The following LATS1 variants were observed in gnomAD, a reference collection of about 807,000 sequenced individuals.
LATS1 encodes large tumor suppressor kinase 1.
Under a neutral mutation model 106.6 loss-of-function variants are expected in LATS1, and 25 were observed. The observed-to-expected ratio is 0.23, with a 90% CI of 0.17 to 0.33. LATS1 has a LOEUF of 0.33. Among genes scored for constraint, LATS1 ranks in the 10% least tolerant of loss-of-function variants. LATS1 has a pLI of 1.00. For missense variants in LATS1, 1,040 were observed against 1,382.6 expected (o/e 0.75, Z 3.93); for synonymous variants, 465 against 455.6 (o/e 1.02, Z -0.26).
In LATS1 at chr6:149,706,183, CAAAAAAAAAAAAAAAAAAAA is replaced by C. The variant is rs60729757; in HGVS notation, c.-140-3937_-140-3918del. Among the ~76,000 whole-genome samples the C allele has an allele frequency of 8.1e-3, 205 of 25,286 alleles. 1 individual carries two copies. Among genetic ancestry groups the C allele is most frequent in the African/African-American group, 0.024 (160 of 6,804 alleles). 16.6% of individuals were successfully genotyped at this position (25,286 alleles called of 152,430 possible). A position where few individuals can be genotyped will look rare whatever the true frequency, so the allele number is the denominator to read the frequency against. On this transcript the variant is annotated intron_variant, in intron 1 of 7. Coordinates refer to ENST00000543571, the MANE Select transcript of LATS1 (RefSeq NM_004690.4). ...GGGCAACAAGAGCGAAACCCGGTCG[CAAAAAAAAAAAAAAAAAAAA>C]AAAAAAAAAAAAAAAAAAAAAGATA...
chr6:149,680,226 C>A lies in LATS1; in HGVS notation c.2242G>T (p.Ala748Ser). 3 of 1,613,964 alleles carry A rather than the reference C, an allele frequency of 1.9e-6. No individual in the cohort carries two copies. The highest frequency in any genetic ancestry group is 2.5e-6 in the Non-Finnish European group (3 of 1,179,922). The part of the protein sequence containing the change: ...KKDVLLRNQV[A>S]HVKAERDILA... ...ATATCTCTCTCAGCCTTAACATGAG[C>A]GACTTGATTTCGAAGAAGAACATCT... The change falls in exon 5 of 8, where the codon GCT becomes TCT. Residue 748 changes from alanine (A) to serine (S), a missense_variant. Ala to Ser is a moderately conservative substitution (Grantham distance 99). Around this residue, in one of 7 missense-constraint regions of LATS1, gnomAD observed 167 missense variants for 332.1 expected, o/e 0.50. Coordinates refer to ENST00000543571, the MANE Select transcript of LATS1 (RefSeq NM_004690.4).
chr6:149,705,089 A>G (rs1368943567), intron 1 of LATS1, among the ~76,000 whole-genome samples: 1 of 146,706 alleles, frequency 6.8e-6, no homozygotes, highest in Non-Finnish European at 1.5e-5. Flanking sequence ...CTCCACTTTG[A>G]AAAAAAAAAA....
In LATS1 at chr6:149,701,898, C is replaced by T; in HGVS notation, c.229G>A (p.Ala77Thr). The T allele has an allele frequency of 2.5e-6, 4 of 1,614,166 alleles. No individual in the cohort carries two copies. Among genetic ancestry groups the T allele is most frequent in the Admixed American group, 1.7e-5 (1 of 60,020 alleles). The change falls in exon 2 of 8, where the codon GCC becomes ACC. Residue 77 changes from alanine (A) to threonine (T), a missense_variant. Physicochemically the swap from Ala to Thr is moderately conservative, Grantham distance 58. Around this residue, in one of 7 missense-constraint regions of LATS1, gnomAD observed 624 missense variants for 714.8 expected, o/e 0.87. Coordinates refer to ENST00000543571, the MANE Select transcript of LATS1 (RefSeq NM_004690.4). ...AGAGAGTTTCGAATTTCCTGCAAGG[C>T]TTTATGATGCGTCCCAAATTTGGGT... is the stretch of plus-strand genomic sequence containing the variant. ...NPPKFGTHHK[A>T]LQEIRNSLLP...
chr6:149,697,292 T>C (rs1284403241), intron 2 of LATS1: 3 of 529,940 alleles, frequency 5.7e-6, no homozygotes, highest in South Asian at 1.6e-5. Context: ...AAAAAGTTAC[T>C]GATTTTGTTG....
intron 1 of LATS1, among the ~76,000 whole-genome samples, chr6:149,712,364 A>T (rs1784153718): frequency 1.3e-5 from 2 of 151,918 alleles, no homozygotes; most frequent in South Asian, 2.1e-4. Flanking sequence ...ACACCCGGTT[A>T]ATTTTCTATT....
At chr6:149,677,528 AT>A (rs1263571833) in intron 5 of LATS1, among the ~76,000 whole-genome samples, 1 of 152,152 alleles carries the variant, frequency 6.6e-6, no homozygotes, top group Non-Finnish European at 1.5e-5. Context: ...AGATAACAGT[AT>A]CTGATTTATG....
intron 2 of LATS1, among the ~76,000 whole-genome samples, chr6:149,698,639 C>T (rs919895087): frequency 3.3e-5 from 5 of 150,196 alleles, no homozygotes; most frequent in Non-Finnish European, 5.9e-5. Context: ...CAACCTCCGC[C>T]GCCCAGGTTC....
intron 1 of LATS1, among the ~76,000 whole-genome samples, chr6:149,714,816 G>A (rs1784299631): frequency 6.6e-6 from 1 of 152,070 alleles, no homozygotes; most frequent in Non-Finnish European, 1.5e-5. Context: ...ATGTGAATAA[G>A]GCTGAGACTC....
chr6:149,683,271 T>C lies in LATS1; in HGVS notation c.1818A>G (p.Glu606=). ...SYENVDSGDK[E]KKQITTSPIT... ...TAGGTGAAGTTGTAATCTGTTTCTT[T>C]TCTTTATCCCCACTATCAACATTTT... The change falls in exon 4 of 8, where the codon GAA becomes GAG. Residue 606 remains glutamate (E), a synonymous_variant. Transcript: ENST00000543571. 6.2e-7 allele frequency: 1 copy of C among 1,614,156 alleles called. No homozygotes were observed. The highest frequency in any genetic ancestry group is 8.5e-7 in the Non-Finnish European group (1 of 1,179,988).
At chr6:149,682,925 G>T in intron 4 of LATS1, 154 bp downstream of exon 4, 1 of 616,540 alleles carries the variant, frequency 1.6e-6, no homozygotes, top group South Asian at 2.9e-5. Context: ...ACAATCAAAA[G>T]TACTTTAATA....
In LATS1 at chr6:149,659,200, G is replaced by T. The variant is rs1344660518; in HGVS notation, c.*2529C>A. On this transcript the variant is annotated 3_prime_UTR_variant, in exon 8 of 8. Transcript: ENST00000543571. ...ATACATATTTGCGCCAGGCGCGGTGGGTCACGTCTGTAATCCCAGCACTTT... is the reference window on the plus strand; with the variant it reads ...ATACATATTTGCGCCAGGCGCGGTGTGTCACGTCTGTAATCCCAGCACTTT... 1 of 178,078 alleles carries T rather than the reference G, an allele frequency of 5.6e-6. No individual in the cohort carries two copies. The highest frequency in any genetic ancestry group is 9.4e-5 in the East Asian group (1 of 10,632). 11.0% of individuals were successfully genotyped at this position (178,078 alleles called of 1,614,324 possible).
At chr6:149,677,823 C>A in intron 5 of LATS1, among the ~76,000 whole-genome samples, 1 of 151,998 alleles carries the variant, frequency 6.6e-6, no homozygotes, top group East Asian at 1.9e-4. Context: ...AGATTGAGAC[C>A]ATCCTGGCCA....
rs1310067468 is a variant in LATS1, at chr6:149,683,994, A to G, written c.1095T>C (p.Ala365=). ...DFMIHQNVVP[A]GTVNRQPPPP... ...GTGGTGGCTGCCGATTCACAGTGCC[A>G]GCAGGGACAACATTTTGGTGTATCA... The change falls in exon 4 of 8, where the codon GCT becomes GCC. Residue 365 remains alanine, a synonymous_variant. Coordinates refer to ENST00000543571, the MANE Select transcript of LATS1 (RefSeq NM_004690.4). 1.9e-6 allele frequency: 3 copies of G among 1,613,928 alleles called. No individual in the cohort carries two copies. The highest frequency in any genetic ancestry group is 2.5e-6 in the Non-Finnish European group (3 of 1,180,004).
chr6:149,672,871 G>A lies in LATS1; in HGVS notation c.2883+3389C>T, dbSNP rs557197392. Among the ~76,000 whole-genome samples, 28 of 151,936 alleles carry A rather than the reference G, an allele frequency of 1.8e-4. 1 individual carries two copies. The highest frequency in any genetic ancestry group is 1.2e-3 in the Admixed American group (19 of 15,280). ...AGGCAGGAGGCTCACTTGAACCCAG[G>A]AGGCAGAGGTTGCAGTGAGCCAAGA... On this transcript the variant is annotated intron_variant, in intron 7 of 7. Coordinates refer to ENST00000543571, the MANE Select transcript of LATS1 (RefSeq NM_004690.4).
intron 7 of LATS1, among the ~76,000 whole-genome samples, chr6:149,663,419 G>A (rs1780980881): frequency 6.6e-6 from 1 of 152,148 alleles, no homozygotes; most frequent in Non-Finnish European, 1.5e-5. Flanking sequence ...AGGCTAGAGT[G>A]AGCCGTGATT....
At chr6:149,705,495 T>C (rs1783712957) in intron 1 of LATS1, among the ~76,000 whole-genome samples, 1 of 152,136 alleles carries the variant, frequency 6.6e-6, no homozygotes, top group Non-Finnish European at 1.5e-5. Flanking sequence ...TAGGTATTCT[T>C]TCAATATCTC....
chr6:149,716,515 T>C (rs1456204415), intron 1 of LATS1: 1 of 152,104 alleles, frequency 6.6e-6, no homozygotes, highest in South Asian at 2.1e-4. Context: ...ACATCTAAAA[T>C]AACCAAATAA....
chr6:149,703,404 T>C (rs1342024388), intron 1 of LATS1, among the ~76,000 whole-genome samples: 1 of 152,218 alleles, frequency 6.6e-6, no homozygotes, highest in Non-Finnish European at 1.5e-5. Flanking sequence ...CCACCAAATC[T>C]CATGTCGAAC....
At chr6:149,678,704 A>G (rs906717313) in intron 5 of LATS1, among the ~76,000 whole-genome samples, 2 of 152,164 alleles carry the variant, frequency 1.3e-5, no homozygotes, top group African/African-American at 4.8e-5. Context: ...GCTTGGAGGG[A>G]TCTTGGTGAG....
Sources: gnomAD v4.1 joint callset for allele counts (sites outside exome capture counted in the v4.1 genomes callset) on GRCh38, gnomAD v4.1.1 for gene constraint, gnomAD v4.1.1 regional missense constraint, MANE v1.5 for transcripts, NCBI Gene and HGNC (gene_info 2026-07-23, HGNC 2026-07-21) for gene names.